Variants in CDH12 observed in about 807,000 individuals in gnomAD.
The protein encoded by CDH12 is cadherin-12.
Under a neutral mutation model 74.1 loss-of-function variants are expected in CDH12, and 41 were observed. The ratio of observed to expected loss-of-function variants is 0.55; its 90% CI spans 0.43 to 0.72. CDH12 has a LOEUF of 0.72. CDH12 is among the 30% of genes least tolerant of loss of function. The probability of loss-of-function intolerance (pLI) is 0.00; values close to 1 mark genes in which losing one functional copy is unlikely to be tolerated. For synonymous variants in CDH12, 399 were observed against 355.0 expected, an observed-to-expected ratio of 1.12 and a Z score of -1.39; for missense variants, 945 against 977.2, an observed-to-expected ratio of 0.97 and a Z score of 0.44.
intron 4 of CDH12, among the ~76,000 whole-genome samples, chr5:22,122,104 A>C (rs1184171574): frequency 6.6e-6 from 1 of 151,996 alleles, no homozygotes; most frequent in African/African-American, 2.4e-5. Context: ...TTTTAGCCAT[A>C]TATTAAAACT....
chr5:22,446,872 C>A (rs1027715224), intron 2 of CDH12, among the ~76,000 whole-genome samples: 2 of 151,838 alleles, frequency 1.3e-5, no homozygotes, highest in African/African-American at 4.8e-5. Flanking sequence ...TATGTTAACC[C>A]AGAATGAGAT....
At chr5:22,576,867 C>T (rs1473740320) in intron 1 of CDH12, among the ~76,000 whole-genome samples, 1 of 152,110 alleles carries the variant, frequency 6.6e-6, no homozygotes, top group Non-Finnish European at 1.5e-5. Flanking sequence ...TCTTTTTCTC[C>T]ATACTCTAGC....
intron 3 of CDH12, among the ~76,000 whole-genome samples, chr5:22,336,352 C>T (rs1040512411): frequency 3.3e-5 from 5 of 152,118 alleles, no homozygotes; most frequent in Non-Finnish European, 7.4e-5. Context: ...AGAAATTTGC[C>T]TAAGTAAGGA....
chr5:22,765,916 A>C (rs967791861), intron 1 of CDH12, among the ~76,000 whole-genome samples: 1 of 151,950 alleles, frequency 6.6e-6, no homozygotes, highest in Non-Finnish European at 1.5e-5. Context: ...ATGTAAAAAA[A>C]TACGTACAAA....
chr5:22,561,881 T>C (rs1739065162), intron 1 of CDH12, among the ~76,000 whole-genome samples: 1 of 152,222 alleles, frequency 6.6e-6, no homozygotes, highest in Non-Finnish European at 1.5e-5. Flanking sequence ...ATGATGAATA[T>C]TAAGTATCTA....
chr5:22,693,337 C>T (rs1220005885), intron 1 of CDH12, among the ~76,000 whole-genome samples: 1 of 152,108 alleles, frequency 6.6e-6, no homozygotes, highest in Non-Finnish European at 1.5e-5. Flanking sequence ...AAAAAGAAGC[C>T]TCACTGCCTT....
intron 6 of CDH12, among the ~76,000 whole-genome samples, chr5:21,895,899 C>A (rs1409224465): frequency 1.3e-5 from 2 of 152,170 alleles, no homozygotes; most frequent in Non-Finnish European, 2.9e-5. Flanking sequence ...TGGGTAGGAT[C>A]TCTCAAATCT....
chr5:22,661,971 CTTTG>C (rs138488434), intron 1 of CDH12, among the ~76,000 whole-genome samples: 17,005 of 151,926 alleles, frequency 0.11, 1,222 homozygotes, highest in Admixed American at 0.2. Context: ...TACCATAATT[CTTTG>C]TTTCTTTGTT....
At chr5:22,010,010 T>C (rs578167409) in intron 5 of CDH12, among the ~76,000 whole-genome samples, 1 of 151,206 alleles carries the variant, frequency 6.6e-6, no homozygotes, top group African/African-American at 2.4e-5. Flanking sequence ...AGAAAAGTTC[T>C]AGTTTCTCGT....
chr5:21,888,453 C>T (rs1752743910), intron 6 of CDH12, among the ~76,000 whole-genome samples: 1 of 152,086 alleles, frequency 6.6e-6, no homozygotes, highest in Admixed American at 6.6e-5. Context: ...AACGTTTCCT[C>T]ACTTCAGAGA....
intron 1 of CDH12, among the ~76,000 whole-genome samples, chr5:22,641,469 G>A (rs1739148656): frequency 6.6e-6 from 1 of 151,972 alleles, no homozygotes; most frequent in East Asian, 1.9e-4. Context: ...TCCCCACTTG[G>A]TCTGCTGAAT....
intron 3 of CDH12, among the ~76,000 whole-genome samples, chr5:22,263,706 CATA>C (rs1753605726): frequency 6.6e-6 from 1 of 152,098 alleles, no homozygotes; most frequent in South Asian, 2.1e-4. Context: ...AAATCATAAT[CATA>C]ATAACTGAAA....
intron 1 of CDH12, chr5:22,580,328 G>A (rs535074000): frequency 4.5e-6 from 2 of 440,814 alleles, no homozygotes; most frequent in South Asian, 3.4e-5. Flanking sequence ...AGTGGTGCTT[G>A]CACAGCATCC....
rs1554031532 is a variant in CDH12, at chr5:22,322,377, A to AAC, written c.-333+82878_-333+82879dup. On this transcript the variant is annotated intron_variant, in intron 3 of 14. Transcript: ENST00000382254. Reference sequence around the variant, plus strand: ...ATTTCAGCTTTATTTAAAAAAAAAAAACATGGTAATCTGCTTTGATTTAAT... The same window carrying AAC: ...ATTTCAGCTTTATTTAAAAAAAAAAAACACATGGTAATCTGCTTTGATTTAAT... 8.2e-3 allele frequency among the ~76,000 whole-genome samples: 1,247 copies of AAC among 151,972 alleles called. 17 individuals carry two copies. Among genetic ancestry groups the AAC allele is most frequent in the African/African-American group, 0.028 (1,169 of 41,438 alleles).
intron 1 of CDH12, among the ~76,000 whole-genome samples, chr5:22,619,806 T>C (rs1421759092): frequency 2.6e-5 from 4 of 152,066 alleles, no homozygotes; most frequent in African/African-American, 4.8e-5. Context: ...CTTATCAACA[T>C]TGTAAATTCA....
intron 1 of CDH12, among the ~76,000 whole-genome samples, chr5:22,558,599 G>A (rs910719092): frequency 4.0e-5 from 6 of 151,784 alleles, no homozygotes; most frequent in African/African-American, 1.5e-4. Flanking sequence ...AGAGAGACTT[G>A]AAGAACATTT....
chr5:22,401,994 A>G lies in CDH12; in HGVS notation c.-333+3263T>C, dbSNP rs546654952. Among the ~76,000 whole-genome samples the G allele has an allele frequency of 1.7e-4, 26 of 152,330 alleles. 1 individual carries two copies. Among genetic ancestry groups the G allele is most frequent in the African/African-American group, 6.3e-4 (26 of 41,592 alleles). ...TCCAAAGGGAACCAGTCCGGCTAACACTTCATTTTGGCCTTCTGGCCTTCA... is the reference window on the plus strand; with the variant it reads ...TCCAAAGGGAACCAGTCCGGCTAACGCTTCATTTTGGCCTTCTGGCCTTCA... On this transcript the variant is annotated intron_variant, in intron 3 of 14. Transcript: ENST00000382254.
At chr5:22,398,908 C>A (rs181538698) in intron 3 of CDH12, among the ~76,000 whole-genome samples, 23 of 152,212 alleles carry the variant, frequency 1.5e-4, no homozygotes, top group African/African-American at 4.8e-4. Context: ...GTGGTAGAGA[C>A]CCCTCTATGT....
At chr5:22,744,648 G>C (rs535686871) in intron 1 of CDH12, among the ~76,000 whole-genome samples, 2 of 152,052 alleles carry the variant, frequency 1.3e-5, no homozygotes, top group Admixed American at 6.5e-5. Flanking sequence ...TTTATAGATA[G>C]CAACTGTAGA....
Sources: gnomAD v4.1 joint callset for allele counts (sites outside exome capture counted in the v4.1 genomes callset) on GRCh38, gnomAD v4.1.1 for gene constraint, MANE v1.5 for transcripts, NCBI Gene and HGNC (gene_info 2026-07-23, HGNC 2026-07-21) for gene names.